The following PRKCA variants were observed in gnomAD, a reference collection of about 807,000 sequenced individuals.
PRKCA encodes protein kinase C alpha, also known as protein kinase C alpha type.
Under a neutral mutation model 87.0 loss-of-function variants are expected in PRKCA, and 27 were observed. The observed-to-expected ratio is 0.31, with a 90% CI of 0.23 to 0.43. The LOEUF (loss-of-function observed/expected upper bound fraction) is 0.43, where lower values mean the gene tolerates loss of function less well. Among genes scored for constraint, PRKCA ranks in the 20% least tolerant of loss-of-function variants. The pLI is 1.00. For missense variants in PRKCA, 518 were observed against 852.3 expected, an observed-to-expected ratio of 0.61 and a Z score of 4.88; for synonymous variants, 329 against 311.1, an observed-to-expected ratio of 1.06 and a Z score of -0.61.
intron 3 of PRKCA, among the ~76,000 whole-genome samples, chr17:66,505,995 T>A (rs537550496): frequency 6.6e-6 from 1 of 152,302 alleles, no homozygotes; most frequent in East Asian, 1.9e-4. Context: ...TTTGGTTTTT[T>A]AAAAATTATT....
intron 16 of PRKCA, among the ~76,000 whole-genome samples, chr17:66,794,628 T>G (rs544188401): frequency 4.3e-4 from 65 of 149,680 alleles, no homozygotes; most frequent in African/African-American, 1.5e-3. Context: ...TTTTTTGTTT[T>G]TTTTTTTTTT....
chr17:66,794,510 G>A (rs1975616652), intron 16 of PRKCA, among the ~76,000 whole-genome samples: 1 of 151,520 alleles, frequency 6.6e-6, no homozygotes, highest in Non-Finnish European at 1.5e-5. Flanking sequence ...TTGTGGAAGG[G>A]CCAGGAAAGT....
At chr17:66,371,642 T>C (rs1034470654) in intron 2 of PRKCA, among the ~76,000 whole-genome samples, 7 of 152,224 alleles carry the variant, frequency 4.6e-5, no homozygotes, top group African/African-American at 1.7e-4. Flanking sequence ...TTGAAATCAA[T>C]TACTATGTGT....
At chr17:66,362,296 CA>C (rs1203709999) in intron 2 of PRKCA, among the ~76,000 whole-genome samples, 2 of 152,192 alleles carry the variant, frequency 1.3e-5, no homozygotes, top group African/African-American at 4.8e-5. Context: ...CTTGGCCTCT[CA>C]AAGTGCAGGG....
Position 66,725,886 on chromosome 17 carries a change from A to G in PRKCA, c.919-6802A>G, listed in dbSNP as rs1973735429. ...CTGACGTAGCCCCATGGTTTTGAGA[A>G]GTTCATTCCTGAAGGGATCCCAGGA... On this transcript the variant is annotated intron_variant, in intron 8 of 16. Coordinates refer to ENST00000413366, the MANE Select transcript of PRKCA (RefSeq NM_002737.3). Among the ~76,000 whole-genome samples the G allele has an allele frequency of 2.6e-5, 4 of 151,998 alleles. No individual in the cohort carries two copies. The South Asian group carries it at 8.3e-4, about 32-fold the overall frequency.
At chr17:66,712,780 C>T (rs1355053782) in intron 8 of PRKCA, among the ~76,000 whole-genome samples, 1 of 152,192 alleles carries the variant, frequency 6.6e-6, no homozygotes, top group African/African-American at 2.4e-5. Context: ...TGCAGCTCAT[C>T]TCTCTTGCCT....
At chr17:66,481,244 G>A (rs1448558735) in intron 2 of PRKCA, among the ~76,000 whole-genome samples, 1 of 152,078 alleles carries the variant, frequency 6.6e-6, no homozygotes, top group Non-Finnish European at 1.5e-5. Context: ...CTCCAGGGGG[G>A]CCCCTGAGCG....
In PRKCA at chr17:66,678,037, G is replaced by A. The variant is rs570948909; in HGVS notation, c.530-9074G>A. ...CATCAGATCTTAATCCCTGGAATCT[G>A]TAAATGTGCCCTTAATTTGGAAAAA... On this transcript the variant is annotated intron_variant, in intron 5 of 16. Coordinates refer to ENST00000413366, the MANE Select transcript of PRKCA (RefSeq NM_002737.3). 1.2e-3 allele frequency among the ~76,000 whole-genome samples: 190 copies of A among 152,342 alleles called. 1 individual carries two copies. Among genetic ancestry groups the A allele is most frequent in the African/African-American group, 4.4e-3 (182 of 41,582 alleles).
At chr17:66,687,614 G>A (rs1972665146) in intron 6 of PRKCA, among the ~76,000 whole-genome samples, 2 of 152,170 alleles carry the variant, frequency 1.3e-5, no homozygotes, top group Admixed American at 1.3e-4. Flanking sequence ...TTAGGGGAGG[G>A]CATAAGGCAA....
intron 2 of PRKCA, among the ~76,000 whole-genome samples, chr17:66,495,077 C>T (rs112141834): frequency 1.4e-5 from 2 of 138,804 alleles, no homozygotes; most frequent in Admixed American, 7.8e-5. Context: ...ACTCCAGCCT[C>T]GGTGACAAAG....
chr17:66,659,728 G>A (rs1014872296), intron 5 of PRKCA, among the ~76,000 whole-genome samples: 10 of 151,776 alleles, frequency 6.6e-5, no homozygotes, highest in Non-Finnish European at 1.3e-4. Context: ...GTAGCAGAGT[G>A]AGACTCCGTC....
At chr17:66,497,498 A>G (rs982151437) in intron 3 of PRKCA, among the ~76,000 whole-genome samples, 100 of 148,776 alleles carry the variant, frequency 6.7e-4, no homozygotes, top group African/African-American at 2.4e-3. Context: ...CTCCGTCTCA[A>G]AAAAAAAAAA....
chr17:66,340,518 A>T (rs1259693965), intron 2 of PRKCA, among the ~76,000 whole-genome samples: 1 of 151,942 alleles, frequency 6.6e-6, no homozygotes, highest in East Asian at 1.9e-4. Flanking sequence ...GCAAACAGTG[A>T]TTTCTTTTTT....
intron 3 of PRKCA, among the ~76,000 whole-genome samples, chr17:66,549,535 T>G (rs11658528): frequency 0.067 from 10,221 of 152,296 alleles, 401 homozygotes; most frequent in South Asian, 0.16. Flanking sequence ...TGCATTTGCC[T>G]GTGTCGTAGC....
Position 66,435,303 on chromosome 17 carries a change from C to A in PRKCA, c.206-60898C>A, listed in dbSNP as rs16959277. ...GTACCTTGCTAGACCAACTAACTAG[C>A]ACAGTTTGAGACTTTTCTTTCCTTG... On this transcript the variant is annotated intron_variant, in intron 2 of 16. Transcript: ENST00000413366. 4.2e-3 allele frequency among the ~76,000 whole-genome samples: 634 copies of A among 152,332 alleles called. 14 individuals are homozygous for A. The East Asian group carries it at 0.057, about 14-fold the overall frequency.
In PRKCA at chr17:66,302,884, G is replaced by T. The variant is rs376985598; in HGVS notation, c.33G>T (p.Thr11=). 1.9e-6 allele frequency: 3 copies of T among 1,577,188 alleles called. No homozygotes were observed. The African/African-American group carries it at 4.1e-5, about 21-fold the overall frequency. The change falls in exon 1 of 17, where the codon ACG becomes ACT. Residue 11 remains threonine, a synonymous_variant. Transcript: ENST00000413366. The part of the protein sequence containing the change: MADVFPGNDS[T]ASQDVANRFA... ...ACGTTTTCCCGGGCAACGACTCCAC[G>T]GCGTCTCAGGACGTGGCCAACCGCT...
At chr17:66,445,410 A>G (rs1051082883) in intron 2 of PRKCA, among the ~76,000 whole-genome samples, 1 of 152,272 alleles carries the variant, frequency 6.6e-6, no homozygotes, top group Non-Finnish European at 1.5e-5. Context: ...ATTGGAGGCC[A>G]GAGGCCATTC....
chr17:66,456,470 C>A (rs1453585102), intron 2 of PRKCA, among the ~76,000 whole-genome samples: 3 of 152,196 alleles, frequency 2.0e-5, no homozygotes, highest in South Asian at 2.1e-4. Flanking sequence ...TTGCCCCAAA[C>A]CAAGGGTTTG....
At chr17:66,446,190 G>A (rs935099962) in intron 2 of PRKCA, among the ~76,000 whole-genome samples, 1 of 152,040 alleles carries the variant, frequency 6.6e-6, no homozygotes, top group Admixed American at 6.6e-5. Context: ...TGTTGCCTCT[G>A]GGGAAGGTGC....
Sources: gnomAD v4.1 joint callset for allele counts (sites outside exome capture counted in the v4.1 genomes callset) on GRCh38, gnomAD v4.1.1 for gene constraint, MANE v1.5 for transcripts, NCBI Gene and HGNC (gene_info 2026-07-23, HGNC 2026-07-21) for gene names.